The following CNTNAP2 variants were observed in gnomAD, a reference collection of about 807,000 sequenced individuals.
CNTNAP2 encodes contactin-associated protein-like 2.
A neutral mutation model predicts 155.2 loss-of-function variants in CNTNAP2; 98 were observed. That is an observed-to-expected ratio of 0.63 (90% CI 0.54 to 0.75). The LOEUF (loss-of-function observed/expected upper bound fraction) is 0.75, where lower values mean the gene tolerates loss of function less well. Ranked by LOEUF, CNTNAP2 falls within the 30% of genes least tolerant of loss-of-function variation. The probability of loss-of-function intolerance (pLI) is 0.00; values close to 1 mark genes in which losing one functional copy is unlikely to be tolerated. For missense variants in CNTNAP2, 1,727 were observed against 1,688.1 expected, an observed-to-expected ratio of 1.02 and a Z score of -0.40; for synonymous variants, 651 against 631.2, an observed-to-expected ratio of 1.03 and a Z score of -0.47.
chr7:148,093,912 G>A (rs530825688), intron 15 of CNTNAP2, among the ~76,000 whole-genome samples: 7 of 152,152 alleles, frequency 4.6e-5, no homozygotes, highest in Admixed American at 6.5e-5. Context: ...CAGTGCCACC[G>A]TACCTGGCTG....
intron 11 of CNTNAP2, among the ~76,000 whole-genome samples, chr7:147,515,557 G>A (rs953674135): frequency 2.0e-5 from 3 of 151,880 alleles, no homozygotes; most frequent in Admixed American, 2.0e-4. Context: ...TCTTGACCTC[G>A]TGATCTGCCC....
At chr7:148,042,354 G>T (rs920483074) in intron 15 of CNTNAP2, among the ~76,000 whole-genome samples, 1 of 152,196 alleles carries the variant, frequency 6.6e-6, no homozygotes, top group Non-Finnish European at 1.5e-5. Context: ...TTGCCAGGTT[G>T]CCAGGGCATG....
rs889647351 is a variant in CNTNAP2, at chr7:146,162,987, T to G, written c.97+46014T>G. Among the ~76,000 whole-genome samples, 6 of 151,998 alleles carry G rather than the reference T, an allele frequency of 3.9e-5. No individual in the cohort carries two copies. In the East Asian group the frequency reaches 9.7e-4, roughly 25 times the overall value. On this transcript the variant is annotated intron_variant, in intron 1 of 23. Transcript: ENST00000361727. ...ACACTTGGACACAGGGTGGGGAACA[T>G]CACACACTGGGGTCTGTTGGGGGTT...
Position 147,300,030 on chromosome 7 carries a change from T to A in CNTNAP2, c.1349-111T>A, listed in dbSNP as rs536588295. On this transcript the variant is annotated intron_variant, in intron 8 of 23. Coordinates refer to ENST00000361727, the MANE Select transcript of CNTNAP2 (RefSeq NM_014141.6). The stretch of plus-strand genomic sequence containing the variant: ...GTTTGAATTGTAAGCAGCACTGTAT[T>A]TTCCAAGAGAAAAATACTTTTATTT... 7.4e-6 allele frequency: 9 copies of A among 1,212,120 alleles called. No individual in the cohort carries two copies. In the East Asian group the frequency reaches 2.2e-4, roughly 29 times the overall value. The allele number at this position is 1,212,120 out of a possible 1,614,324, so 75.1% of individuals were successfully genotyped here. A position where few individuals can be genotyped will look rare whatever the true frequency, so the allele number is the denominator to read the frequency against.
At chr7:147,440,069 T>C (rs752193975) in intron 10 of CNTNAP2, among the ~76,000 whole-genome samples, 3 of 152,056 alleles carry the variant, frequency 2.0e-5, no homozygotes, top group Non-Finnish European at 4.4e-5. Flanking sequence ...TTCAATGTTA[T>C]TATTGGTAAG....
intron 9 of CNTNAP2, among the ~76,000 whole-genome samples, chr7:147,356,319 C>T (rs1170131603): frequency 6.6e-6 from 1 of 152,060 alleles, no homozygotes. Flanking sequence ...AACCCACAGC[C>T]AATATCATAT....
chr7:146,219,280 A>T (rs935239110), intron 1 of CNTNAP2, among the ~76,000 whole-genome samples: 1 of 152,178 alleles, frequency 6.6e-6, no homozygotes, highest in Non-Finnish European at 1.5e-5. Context: ...GCCAAACCAT[A>T]TCAGTAAGCT....
intron 11 of CNTNAP2, among the ~76,000 whole-genome samples, chr7:147,547,183 A>G (rs577378290): frequency 1.3e-3 from 193 of 152,330 alleles, no homozygotes; most frequent in Middle Eastern, 6.8e-3. Context: ...CAAAGTTTCA[A>G]TACAAAAGAT....
chr7:148,358,837 A>G (rs1010434870), intron 21 of CNTNAP2, among the ~76,000 whole-genome samples: 3 of 152,222 alleles, frequency 2.0e-5, no homozygotes, highest in Admixed American at 6.5e-5. Flanking sequence ...TAAAGAAGTT[A>G]ATGAATGTAA....
chr7:147,450,605 A>G (rs530342869), intron 10 of CNTNAP2, among the ~76,000 whole-genome samples: 3 of 152,310 alleles, frequency 2.0e-5, no homozygotes, highest in African/African-American at 7.2e-5. Context: ...CTTCCCACCT[A>G]GCCATATTCA....
intron 13 of CNTNAP2, among the ~76,000 whole-genome samples, chr7:147,831,371 A>G (rs1798542348): frequency 6.6e-6 from 1 of 152,230 alleles, no homozygotes; most frequent in Admixed American, 6.5e-5. Context: ...ACAGAAATGA[A>G]CAGAACAGAA....
chr7:148,062,475 A>G (rs1803176398), intron 15 of CNTNAP2, among the ~76,000 whole-genome samples: 1 of 152,178 alleles, frequency 6.6e-6, no homozygotes, highest in Non-Finnish European at 1.5e-5. Flanking sequence ...TTCAGAACTG[A>G]TCATTTAGGC....
In CNTNAP2 at chr7:146,461,558, C is replaced by G. The variant is rs528904478; in HGVS notation, c.98-312713C>G. On this transcript the variant is annotated intron_variant, in intron 1 of 23. Transcript: ENST00000361727. ...AAATTTTTAAAATAAATGTGATTCT[C>G]ACAGAAAAATTATCTAAGGGAGTTA... Among the ~76,000 whole-genome samples the G allele has an allele frequency of 6.6e-5, 10 of 152,248 alleles. No homozygotes were observed. The East Asian group carries it at 1.9e-3, about 29-fold the overall frequency.
intron 1 of CNTNAP2, among the ~76,000 whole-genome samples, chr7:146,200,177 C>G (rs1334927386): frequency 6.6e-6 from 1 of 152,130 alleles, no homozygotes; most frequent in Admixed American, 6.5e-5. Context: ...TGGACCACTT[C>G]CACATACACA....
chr7:147,907,936 ATT>A (rs35395444), intron 14 of CNTNAP2, among the ~76,000 whole-genome samples: 6,623 of 145,812 alleles, frequency 0.045, 246 homozygotes, highest in Admixed American at 0.12. Flanking sequence ...TGCCTAGCTA[ATT>A]TTTTTTTTTT....
At chr7:146,215,128 A>G (rs758809096) in intron 1 of CNTNAP2, among the ~76,000 whole-genome samples, 4 of 152,236 alleles carry the variant, frequency 2.6e-5, no homozygotes, top group Non-Finnish European at 4.4e-5. Context: ...AATGCATAAA[A>G]TCTTCTGGTT....
chr7:148,203,422 A>T (rs747744342), intron 18 of CNTNAP2, among the ~76,000 whole-genome samples: 1 of 152,192 alleles, frequency 6.6e-6, no homozygotes, highest in Admixed American at 6.5e-5. Context: ...ACTCTTTGGA[A>T]GTATTATATT....
chr7:148,086,871 G>GTT (rs988223816), intron 15 of CNTNAP2, among the ~76,000 whole-genome samples: 3 of 151,096 alleles, frequency 2.0e-5, no homozygotes, highest in African/African-American at 7.3e-5. Flanking sequence ...ATATCAAATT[G>GTT]TTTTTTTTTA....
chr7:146,952,662 T>G (rs1192528302), intron 3 of CNTNAP2, among the ~76,000 whole-genome samples: 1 of 152,030 alleles, frequency 6.6e-6, no homozygotes, highest in African/African-American at 2.4e-5. Flanking sequence ...AAATCATGAG[T>G]GAACTCCCAT....
Sources: gnomAD v4.1 joint callset for allele counts (sites outside exome capture counted in the v4.1 genomes callset) on GRCh38, gnomAD v4.1.1 for gene constraint, MANE v1.5 for transcripts, NCBI Gene and HGNC (gene_info 2026-07-23, HGNC 2026-07-21) for gene names.